ADGRB3: variants seen among roughly 807,000 people sequenced by gnomAD.
ADGRB3 encodes the protein adhesion G protein-coupled receptor B3, also known as brain-specific angiogenesis inhibitor 3.
Under a neutral mutation model 193.4 loss-of-function variants are expected in ADGRB3, and 37 were observed. That is an observed-to-expected ratio of 0.19 (90% CI 0.15 to 0.25). The LOEUF (loss-of-function observed/expected upper bound fraction) is 0.25. Ranked by LOEUF, ADGRB3 falls within the 10% of genes least tolerant of loss-of-function variation. ADGRB3 has a pLI of 1.00. For missense variants in ADGRB3, 1,637 were observed against 1,852.9 expected (o/e 0.88, Z 2.14); for synonymous variants, 690 against 644.2 (o/e 1.07, Z -1.08).
At chr6:69,176,257 G>A (rs1775420089) in intron 17 of ADGRB3, among the ~76,000 whole-genome samples, 1 of 152,128 alleles carries the variant, frequency 6.6e-6, no homozygotes, top group South Asian at 2.1e-4. Flanking sequence ...CATTCAGTAT[G>A]ATGTTAGCTG....
At chr6:68,956,957 TG>T in intron 8 of ADGRB3, 148 bp downstream of exon 8, 2 of 854,528 alleles carry the variant, frequency 2.3e-6, no homozygotes, top group Non-Finnish European at 1.7e-6. Context: ...CTGTACTATG[TG>T]GGGCATCCCC....
At chr6:68,933,767 C>T (rs556128923) in intron 4 of ADGRB3, among the ~76,000 whole-genome samples, 48 of 152,202 alleles carry the variant, frequency 3.2e-4, no homozygotes, top group Non-Finnish European at 4.9e-4. Context: ...TTCATTTTAT[C>T]GAAGACATTC....
chr6:68,686,876 T>A (rs2094662287), intron 3 of ADGRB3, among the ~76,000 whole-genome samples: 1 of 152,188 alleles, frequency 6.6e-6, no homozygotes, highest in Non-Finnish European at 1.5e-5. Flanking sequence ...TGATTTCAGA[T>A]AATATATTGT....
rs182635635 is a variant in ADGRB3 at position 69,130,691 on chromosome 6, G to T, written c.2480+54653G>T. ...GTAGTTATGCATTGTGTTTCTTGGGGTTTTTTCTAAGTATTTAACCATTAT... is the reference window on the plus strand; with the variant it reads ...GTAGTTATGCATTGTGTTTCTTGGGTTTTTTTCTAAGTATTTAACCATTAT... On this transcript the variant is annotated intron_variant, in intron 17 of 31. Transcript: ENST00000370598. 1.0e-3 allele frequency among the ~76,000 whole-genome samples: 151 copies of T among 151,604 alleles called. 1 individual carries two copies. Among genetic ancestry groups the T allele is most frequent in the African/African-American group, 3.5e-3 (143 of 41,374 alleles).
At chr6:69,190,603 A>C (rs983130942) in intron 17 of ADGRB3, among the ~76,000 whole-genome samples, 4 of 152,086 alleles carry the variant, frequency 2.6e-5, no homozygotes, top group Non-Finnish European at 5.9e-5. Flanking sequence ...AAAGAAAATT[A>C]TTTTTCATAA....
intron 10 of ADGRB3, among the ~76,000 whole-genome samples, chr6:68,982,768 C>G (rs543253730): frequency 1.6e-4 from 25 of 152,244 alleles, no homozygotes; most frequent in Middle Eastern, 3.4e-3. Flanking sequence ...ATTTTTAGGG[C>G]CCCTCAAATT....
At chr6:68,919,904 G>T (rs1436666320) in intron 3 of ADGRB3, among the ~76,000 whole-genome samples, 1 of 152,178 alleles carries the variant, frequency 6.6e-6, no homozygotes. Flanking sequence ...ATTGTTCAGA[G>T]AATGAAATGG....
intron 20 of ADGRB3, among the ~76,000 whole-genome samples, chr6:69,255,189 G>C (rs1296838508): frequency 6.6e-6 from 1 of 152,110 alleles, no homozygotes; most frequent in Non-Finnish European, 1.5e-5. Context: ...TGTCTTTATA[G>C]CAGCATGAGT....
At position 68,981,848 on chromosome 6, in the gene ADGRB3, A is replaced by ATTTC. The variant is rs1473501449; in HGVS notation, c.1734+6511_1734+6512insCTTT. 2.7e-4 allele frequency among the ~76,000 whole-genome samples: 20 copies of ATTTC among 74,936 alleles called. No homozygotes were observed. The East Asian group carries it at 5.6e-3, about 21-fold the overall frequency. 49.2% of individuals were successfully genotyped at this position (74,936 alleles called of 152,430 possible). A position where few individuals can be genotyped will look rare whatever the true frequency, so the allele number is the denominator to read the frequency against. ...AAGAATGGACAATACCTATTTTGTTATTTATTTATTTATTTATTTATTTAT... is the reference window on the plus strand; with the variant it reads ...AAGAATGGACAATACCTATTTTGTTATTTCTTTATTTATTTATTTATTTATTTAT... On this transcript the variant is annotated intron_variant, in intron 10 of 31. Transcript: ENST00000370598.
chr6:69,143,511 T>C (rs1390697320), intron 17 of ADGRB3, among the ~76,000 whole-genome samples: 1 of 152,240 alleles, frequency 6.6e-6, no homozygotes, highest in African/African-American at 2.4e-5. Context: ...AGTTTCAGTT[T>C]GAAGTCTTAG....
intron 16 of ADGRB3, among the ~76,000 whole-genome samples, chr6:69,069,021 T>C (rs1311925043): frequency 6.6e-6 from 1 of 152,146 alleles, no homozygotes; most frequent in Non-Finnish European, 1.5e-5. Context: ...ATCTCCAGCT[T>C]CCTAACAAAT....
rs80149993 is a variant in ADGRB3, at chr6:68,706,595, A to G, written c.757+67163A>G. Reference sequence around the variant, plus strand: ...ACTTACTAGCAATGTGACCTTGGGCAAGTTACTTAATATTTCTATGCATTA... The same window carrying G: ...ACTTACTAGCAATGTGACCTTGGGCGAGTTACTTAATATTTCTATGCATTA... On this transcript the variant is annotated intron_variant, in intron 3 of 31. Coordinates refer to ENST00000370598, the MANE Select transcript of ADGRB3 (RefSeq NM_001704.3). Among the ~76,000 whole-genome samples, 454 of 152,306 alleles carry G rather than the reference A, an allele frequency of 3.0e-3. 4 individuals carry two copies. Among genetic ancestry groups the G allele is most frequent in the African/African-American group, 0.011 (438 of 41,568 alleles).
chr6:69,143,090 T>A (rs1213724924), intron 17 of ADGRB3, among the ~76,000 whole-genome samples: 1 of 152,218 alleles, frequency 6.6e-6, no homozygotes, highest in Non-Finnish European at 1.5e-5. Context: ...TGGGGTGAGA[T>A]GATATCTCAT....
Position 69,214,460 on chromosome 6 carries a change from G to A in ADGRB3, c.2481-18830G>A, listed in dbSNP as rs189762238. 2.4e-3 allele frequency among the ~76,000 whole-genome samples: 360 copies of A among 152,108 alleles called. 1 individual carries two copies. Among genetic ancestry groups the A allele is most frequent in the Non-Finnish European group, 3.6e-3 (242 of 67,998 alleles). On this transcript the variant is annotated intron_variant, in intron 17 of 31. Transcript: ENST00000370598. ...AAAACAGACTGCAAAACATTTGGGG[G>A]ACAGGTACTATATTAAAGAGCTATG...
chr6:69,103,498 G>A (rs1169101520), intron 17 of ADGRB3, among the ~76,000 whole-genome samples: 1 of 151,892 alleles, frequency 6.6e-6, no homozygotes, highest in Non-Finnish European at 1.5e-5. Context: ...TATTGATTAA[G>A]GAAAAAAAGA....
intron 3 of ADGRB3, among the ~76,000 whole-genome samples, chr6:68,660,123 C>A (rs557772474): frequency 3.7e-4 from 56 of 150,694 alleles, no homozygotes; most frequent in Admixed American, 3.2e-3. Context: ...AGGCAATAAA[C>A]AATATTATAG....
At chr6:69,196,410 A>T (rs1765297292) in intron 17 of ADGRB3, among the ~76,000 whole-genome samples, 1 of 152,016 alleles carries the variant, frequency 6.6e-6, no homozygotes, top group African/African-American at 2.4e-5. Context: ...ATTTTTTCAC[A>T]CTTCCGCAGG....
chr6:68,914,412 T>C (rs1766817652), intron 3 of ADGRB3, among the ~76,000 whole-genome samples: 1 of 152,124 alleles, frequency 6.6e-6, no homozygotes. Context: ...GAAAAGAATT[T>C]TCAACCCAGA....
At chr6:69,305,202 G>T (rs904165069) in intron 20 of ADGRB3, among the ~76,000 whole-genome samples, 4 of 151,510 alleles carry the variant, frequency 2.6e-5, no homozygotes, top group Non-Finnish European at 4.4e-5. Context: ...TTTTATTATT[G>T]AAAATGTAAT....
Sources: allele counts gnomAD v4.1 joint callset (sites outside exome capture counted in the v4.1 genomes callset), GRCh38; gene constraint gnomAD v4.1.1; transcripts MANE v1.5; gene names NCBI Gene and HGNC (gene_info 2026-07-23, HGNC 2026-07-21).